Variants in CSF1 observed in about 807,000 individuals in gnomAD.
CSF1 encodes colony stimulating factor 1.
A neutral mutation model predicts 48.9 loss-of-function variants in CSF1; 9 were observed. The observed-to-expected ratio is 0.18, with a 90% CI of 0.11 to 0.32. CSF1 has a LOEUF of 0.32. CSF1 is among the 10% of genes least tolerant of loss of function. The probability of loss-of-function intolerance (pLI) is 1.00; values close to 1 mark genes in which losing one functional copy is unlikely to be tolerated. For synonymous variants in CSF1, 305 were observed against 284.1 expected (o/e 1.07, Z -0.74); for missense variants, 672 against 697.9 (o/e 0.96, Z 0.42).
At chr1:109,911,846 G>T (rs891023587) in intron 1 of CSF1, among the ~76,000 whole-genome samples, 10 of 152,218 alleles carry the variant, frequency 6.6e-5, no homozygotes, top group African/African-American at 2.2e-4. Flanking sequence ...CAGGGGCAGG[G>T]TCTGCTCCTG....
intron 8 of CSF1, 66 bp downstream of exon 8, chr1:109,925,268 T>C: frequency 7.3e-7 from 1 of 1,366,376 alleles, no homozygotes; most frequent in South Asian, 1.2e-5. Context: ...CACGTTCACC[T>C]GTTGGTGACA....
At chr1:109,915,004 C>G (rs1241826589) in intron 2 of CSF1, among the ~76,000 whole-genome samples, 2 of 152,052 alleles carry the variant, frequency 1.3e-5, no homozygotes, top group Admixed American at 1.3e-4. Context: ...CTGTCCTGCT[C>G]AGTGGGAATT....
Position 109,923,712 on chromosome 1 carries a change from G to A in CSF1, c.1091G>A (p.Gly364Asp). 1 of 1,613,284 alleles carries A rather than the reference G, an allele frequency of 6.2e-7. No individual in the cohort carries two copies. Among genetic ancestry groups the A allele is most frequent in the Non-Finnish European group, 8.5e-7 (1 of 1,179,596 alleles). ...GGCCAACAGCCGGCAGATGTAACTG[G>A]TACCGCCTTGCCCAGGGTGGGCCCC... ...AKGQQPADVT[G>D]TALPRVGPVR... is the part of the protein sequence containing the mutation. The change falls in exon 6 of 9, where the codon GGT (glycine) becomes GAT (aspartate). Residue 364 changes from glycine (G) to aspartate (D), a missense_variant. Coordinates refer to ENST00000329608, the MANE Select transcript of CSF1 (RefSeq NM_000757.6).
rs1296348131 is a variant in CSF1, at chr1:109,929,245, A to G, written c.*407A>G. 6.5e-6 allele frequency: 1 copy of G among 152,720 alleles called. No individual in the cohort carries two copies. The highest frequency in any genetic ancestry group is 1.5e-5 in the Non-Finnish European group (1 of 68,092). The allele number at this position is 152,720 out of a possible 1,614,324, so 9.5% of individuals were successfully genotyped here. On this transcript the variant is annotated 3_prime_UTR_variant, in exon 9 of 9. Transcript: ENST00000329608. Reference sequence around the variant, plus strand: ...CAGGGTGGACGCTGAGGAGTGAAAGAACCCTGCACCCAGAGGGCCTGCCTG... The same window carrying G: ...CAGGGTGGACGCTGAGGAGTGAAAGGACCCTGCACCCAGAGGGCCTGCCTG...
chr1:109,921,747 A>G, intron 4 of CSF1, 100 bp from the exon 5 acceptor site: 1 of 1,391,216 alleles, frequency 7.2e-7, no homozygotes, highest in Non-Finnish European at 9.5e-7. Flanking sequence ...AAAGGGAAAA[A>G]GAAGACAGAT....
chr1:109,922,881 C>T (rs1647627614), intron 5 of CSF1, among the ~76,000 whole-genome samples: 1 of 152,158 alleles, frequency 6.6e-6, no homozygotes, highest in Admixed American at 6.5e-5. Flanking sequence ...CAGTGGGAAC[C>T]CCTGCATGGG....
Position 109,923,466 on chromosome 1 carries a change from CCT to C in CSF1, c.848_849del (p.Ser283CysfsTer13). 1 of 1,614,132 alleles carries C rather than the reference CCT, an allele frequency of 6.2e-7. No individual in the cohort carries two copies. ...ATCGGTGGCTCACCACAGCCTCGCC[CCT>C]CTGTCGGGGCCTTCAACCCCGGGAT... On this transcript the variant is annotated frameshift_variant, in exon 6 of 9. Coordinates refer to ENST00000329608, the MANE Select transcript of CSF1 (RefSeq NM_000757.6). LOFTEE classifies it high-confidence loss of function.
Position 109,921,832 on chromosome 1 carries a change from CT to C in CSF1, c.397-14del. 1 of 1,548,540 alleles carries C rather than the reference CT, an allele frequency of 6.5e-7. No homozygotes were observed. Among genetic ancestry groups the C allele is most frequent in the Non-Finnish European group, 8.8e-7 (1 of 1,140,404 alleles). On this transcript the variant is annotated splice_polypyrimidine_tract_variant and intron_variant, in intron 4 of 8. Coordinates refer to ENST00000329608, the MANE Select transcript of CSF1 (RefSeq NM_000757.6). The stretch of plus-strand genomic sequence containing the variant: ...ATGGTCATGCTCACAAAAGGGGGCC[CT>C]GATCTCCTTCCAGGCCTGCGTCCGA...
chr1:109,926,315 C>T (rs1388563972), intron 8 of CSF1: 1 of 152,200 alleles, frequency 6.6e-6, no homozygotes, highest in Admixed American at 6.5e-5. Context: ...GTTCCATTTC[C>T]CATAAACTTC....
In CSF1 at chr1:109,923,410, G is replaced by T. The variant is rs373284627; in HGVS notation, c.789G>T (p.Pro263=). The T allele has an allele frequency of 1.9e-6, 3 of 1,613,822 alleles. No individual in the cohort carries two copies. The highest frequency in any genetic ancestry group is 2.2e-5 in the South Asian group (2 of 91,080). Residue 263 remains proline, a synonymous_variant, in exon 6 of 9, where the codon CCG becomes CCT. Coordinates refer to ENST00000329608, the MANE Select transcript of CSF1 (RefSeq NM_000757.6). The part of the protein sequence containing the change: ...PPRSTCQSFE[P]PETPVVKDST... ...GGAGCACCTGCCAGAGCTTTGAGCCGCCAGAGACCCCAGTTGTCAAGGACA... is the reference window on the plus strand; with the variant it reads ...GGAGCACCTGCCAGAGCTTTGAGCCTCCAGAGACCCCAGTTGTCAAGGACA...
intron 4 of CSF1, among the ~76,000 whole-genome samples, chr1:109,918,451 T>G (rs900363512): frequency 6.6e-6 from 1 of 152,064 alleles, no homozygotes; most frequent in Non-Finnish European, 1.5e-5. Flanking sequence ...GGGGCAGGAA[T>G]GGAGGCTGGG....
At chr1:109,925,843 G>A (rs1357246801) in intron 8 of CSF1, among the ~76,000 whole-genome samples, 1 of 152,058 alleles carries the variant, frequency 6.6e-6, no homozygotes, top group Admixed American at 6.5e-5. Flanking sequence ...CCAGCTCCCT[G>A]CCTAGCCACA....
At chr1:109,925,121 A>T in intron 7 of CSF1, 26 bp from the exon 8 acceptor site, 1 of 1,611,368 alleles carries the variant, frequency 6.2e-7, no homozygotes. Context: ...CTGATGTCTA[A>T]TACCAGCCCT....
At position 109,914,353 on chromosome 1, in the gene CSF1, G is replaced by A; in HGVS notation, c.134G>A (p.Ser45Asn). 1 of 1,606,284 alleles carries A rather than the reference G, an allele frequency of 6.2e-7. No homozygotes were observed. Among genetic ancestry groups the A allele is most frequent in the African/African-American group, 1.3e-5 (1 of 74,942 alleles). The change falls in exon 2 of 9, where the codon AGT becomes AAT. Residue 45 changes from serine (S) to asparagine (N), a missense_variant. Ser to Asn is a conservative substitution (Grantham distance 46). Transcript: ENST00000329608. ...VSEYCSHMIG[S>N]GHLQSLQRLI... ...GAGTACTGTAGCCACATGATTGGGA[G>A]TGGACACCTGCAGTCTCTGCAGCGG... is the stretch of plus-strand genomic sequence containing the variant.
At position 109,923,738 on chromosome 1, in the gene CSF1, G is replaced by C; in HGVS notation, c.1117G>C (p.Val373Leu). The change falls in exon 6 of 9, where the codon GTG becomes CTG. Residue 373 changes from valine to leucine, a missense_variant. By Grantham distance (32) the Val-to-Leu change is conservative. This residue lies in a region of CSF1 where 591 missense variants were observed against 593.6 expected (regional missense o/e 1.00). Transcript: ENST00000329608. Reference protein sequence around the residue: ...TGTALPRVGPVRPTGQDWNHT... With the variant: ...TGTALPRVGPLRPTGQDWNHT... ...TACCGCCTTGCCCAGGGTGGGCCCCGTGAGGCCCACTGGCCAGGACTGGAA... is the reference window on the plus strand; with the variant it reads ...TACCGCCTTGCCCAGGGTGGGCCCCCTGAGGCCCACTGGCCAGGACTGGAA... The C allele has an allele frequency of 6.2e-7, 1 of 1,611,068 alleles. No homozygotes were observed. Among genetic ancestry groups the C allele is most frequent in the Non-Finnish European group, 8.5e-7 (1 of 1,178,426 alleles).
rs750604657 is a variant in CSF1, at chr1:109,917,344, A to G, written c.277A>G (p.Met93Val). The G allele has an allele frequency of 6.2e-7, 1 of 1,614,200 alleles. No individual in the cohort carries two copies. The change falls in exon 4 of 9, where the codon ATG becomes GTG. Residue 93 changes from methionine to valine, a missense_variant. Transcript: ENST00000329608. ...KKAFLLVQDI[M>V]EDTMRFRDNT... ...GGCATTTCTCCTGGTACAAGACATA[A>G]TGGAGGACACCATGCGCTTCAGAGA...
chr1:109,924,277 G>A, intron 6 of CSF1, 87 bp downstream of exon 6: 5 of 1,237,684 alleles, frequency 4.0e-6, no homozygotes, highest in Admixed American at 2.6e-5. Context: ...GACAGCTTGG[G>A]TGCGGCCTGA....
chr1:109,912,366 C>T (rs1654726587), intron 1 of CSF1, among the ~76,000 whole-genome samples: 1 of 152,104 alleles, frequency 6.6e-6, no homozygotes, highest in Non-Finnish European at 1.5e-5. Context: ...GAGCCTGCAG[C>T]AGAGATTCCT....
At chr1:109,925,400 C>A (rs1284705112) in intron 8 of CSF1, among the ~76,000 whole-genome samples, 198 bp downstream of exon 8, 1 of 152,138 alleles carries the variant, frequency 6.6e-6, no homozygotes, top group African/African-American at 2.4e-5. Flanking sequence ...CCTGCCCCTC[C>A]ATTCCATCCA....
Sources: gnomAD v4.1 joint callset for allele counts (sites outside exome capture counted in the v4.1 genomes callset) on GRCh38, gnomAD v4.1.1 for gene constraint, gnomAD v4.1.1 regional missense constraint, MANE v1.5 for transcripts, NCBI Gene and HGNC (gene_info 2026-07-23, HGNC 2026-07-21) for gene names.